The following ASXL3 variants were observed in gnomAD, a reference collection of about 807,000 sequenced individuals.
ASXL3 encodes putative Polycomb group protein ASXL3.
Under a neutral mutation model 170.6 loss-of-function variants are expected in ASXL3, and 34 were observed. The ratio of observed to expected loss-of-function variants is 0.20; its 90% confidence interval spans 0.15 to 0.27. The LOEUF (loss-of-function observed/expected upper bound fraction) is 0.27. ASXL3 is among the 10% of genes least tolerant of loss of function. The pLI, the probability that ASXL3 is intolerant of heterozygous loss-of-function variation, is 1.00. For missense variants in ASXL3, 2,592 were observed against 2,695.3 expected (o/e 0.96, Z 0.85); for synonymous variants, 1,002 against 989.1 (o/e 1.01, Z -0.24).
intron 1 of ASXL3, among the ~76,000 whole-genome samples, chr18:33,585,894 A>G (rs2065030479): frequency 6.6e-6 from 1 of 152,158 alleles, no homozygotes; most frequent in Non-Finnish European, 1.5e-5. Context: ...TCCAGAGAAA[A>G]CTAGATTATG....
At chr18:33,639,883 G>T (rs1341260449) in intron 2 of ASXL3, among the ~76,000 whole-genome samples, 2 of 152,124 alleles carry the variant, frequency 1.3e-5, no homozygotes, top group African/African-American at 2.4e-5. Flanking sequence ...AAGAATTAAA[G>T]TGTACAACAT....
chr18:33,652,964 C>T (rs1471679234), intron 4 of ASXL3, among the ~76,000 whole-genome samples: 2 of 151,932 alleles, frequency 1.3e-5, no homozygotes, highest in African/African-American at 4.8e-5. Flanking sequence ...GGTCTGGACA[C>T]CCTGGGGAGT....
chr18:33,609,637 A>C (rs2065303786), intron 2 of ASXL3, among the ~76,000 whole-genome samples: 1 of 152,010 alleles, frequency 6.6e-6, no homozygotes, highest in African/African-American at 2.4e-5. Context: ...CTGAAATGGG[A>C]AACATAACTC....
Position 33,584,181 on chromosome 18 carries a change from G to A in ASXL3, c.54+5496G>A, listed in dbSNP as rs143311490. ...AGAGAGCCTTCTAAGAAGAGAGAAC[G>A]ACATGGACAGAGGTGAGGTGCAGGC... On this transcript the variant is annotated intron_variant, in intron 1 of 11. Transcript: ENST00000269197. 1.1e-4 allele frequency among the ~76,000 whole-genome samples: 17 copies of A among 152,252 alleles called. No homozygotes were observed. In the East Asian group the frequency reaches 3.1e-3, roughly 28 times the overall value.
chr18:33,695,805 G>T (rs2066765735), intron 8 of ASXL3, among the ~76,000 whole-genome samples: 1 of 152,046 alleles, frequency 6.6e-6, no homozygotes, highest in African/African-American at 2.4e-5. Context: ...GGGTGTCTTT[G>T]TCCATGTATA....
intron 2 of ASXL3, among the ~76,000 whole-genome samples, chr18:33,610,503 G>A (rs984700166): frequency 6.6e-6 from 1 of 151,938 alleles, no homozygotes; most frequent in Non-Finnish European, 1.5e-5. Context: ...TGTACTCAAA[G>A]CAAGGCCATT....
intron 8 of ASXL3, among the ~76,000 whole-genome samples, chr18:33,724,520 T>A (rs1438153476): frequency 6.6e-6 from 1 of 152,134 alleles, no homozygotes; most frequent in Non-Finnish European, 1.5e-5. Context: ...AGTGATACTT[T>A]TACAACTCTT....
rs530981085 is a variant in ASXL3 at position 33,663,387 on chromosome 18, A to G, written c.477+1650A>G. On this transcript the variant is annotated intron_variant, in intron 5 of 11. Coordinates refer to ENST00000269197, the MANE Select transcript of ASXL3 (RefSeq NM_030632.3). ...ATATGAATGGAAATATAAAGGTACA[A>G]CTCTCTGTATTGTTCTATATCATTA... 2.0e-5 allele frequency among the ~76,000 whole-genome samples: 3 copies of G among 151,436 alleles called. No homozygotes were observed. The East Asian group carries it at 5.8e-4, about 29-fold the overall frequency.
At chr18:33,578,746 C>A in intron 1 of ASXL3, 61 bp downstream of exon 1, 1 of 1,061,550 alleles carries the variant, frequency 9.4e-7, no homozygotes, top group Non-Finnish European at 1.2e-6. Flanking sequence ...TCGCCCCGCG[C>A]CGGTCCGCGG....
chr18:33,679,158 A>G (rs2145274833), intron 7 of ASXL3, among the ~76,000 whole-genome samples: 1 of 152,314 alleles, frequency 6.6e-6, no homozygotes, highest in Admixed American at 6.5e-5. Context: ...CAACTCTGTT[A>G]CATGAGAATA....
intron 8 of ASXL3, among the ~76,000 whole-genome samples, chr18:33,689,714 A>G (rs548900377): frequency 1.6e-4 from 25 of 152,318 alleles, no homozygotes; most frequent in African/African-American, 6.0e-4. Flanking sequence ...TGTTAACTTG[A>G]TCATTGTATT....
intron 8 of ASXL3, among the ~76,000 whole-genome samples, chr18:33,690,565 G>T (rs911690672): frequency 2.0e-5 from 3 of 152,058 alleles, no homozygotes; most frequent in African/African-American, 7.3e-5. Flanking sequence ...GCTCTATCTT[G>T]TAAGCCATGA....
At chr18:33,605,096 C>G (rs1469755507) in intron 1 of ASXL3, among the ~76,000 whole-genome samples, 1 of 151,980 alleles carries the variant, frequency 6.6e-6, no homozygotes, top group African/African-American at 2.4e-5. Context: ...AGATCTCCCA[C>G]CAAAACATCC....
At chr18:33,633,870 A>G (rs2065724616) in intron 2 of ASXL3, among the ~76,000 whole-genome samples, 1 of 151,026 alleles carries the variant, frequency 6.6e-6, no homozygotes, top group Admixed American at 6.7e-5. Flanking sequence ...AAAAAATTCA[A>G]GTAACAATTA....
At chr18:33,618,433 A>G (rs779588226) in intron 2 of ASXL3, among the ~76,000 whole-genome samples, 22 of 152,090 alleles carry the variant, frequency 1.4e-4, no homozygotes, top group Non-Finnish European at 2.2e-4. Flanking sequence ...TTAGTTGTCA[A>G]ATTAGAGGAA....
At chr18:33,623,061 A>T (rs910033533) in intron 2 of ASXL3, among the ~76,000 whole-genome samples, 1 of 152,266 alleles carries the variant, frequency 6.6e-6, no homozygotes, top group South Asian at 2.1e-4. Context: ...GGTCTCTCTG[A>T]CAATGCTGAG....
At chr18:33,687,378 G>C (rs1310930678) in intron 8 of ASXL3, among the ~76,000 whole-genome samples, 3 of 152,164 alleles carry the variant, frequency 2.0e-5, no homozygotes, top group African/African-American at 7.2e-5. Flanking sequence ...ATGTGAATTT[G>C]ATTACATAGA....
intron 8 of ASXL3, among the ~76,000 whole-genome samples, chr18:33,685,515 A>G (rs1382494132): frequency 6.6e-6 from 1 of 152,200 alleles, no homozygotes; most frequent in Non-Finnish European, 1.5e-5. Flanking sequence ...GGTGTAGTTT[A>G]TCTTGTTTAC....
intron 2 of ASXL3, among the ~76,000 whole-genome samples, chr18:33,627,811 C>T (rs113501663): frequency 6.6e-6 from 1 of 152,082 alleles, no homozygotes; most frequent in Admixed American, 6.6e-5. Context: ...TAGAGTTTCT[C>T]CAATTTTGAA....
Sources: allele counts gnomAD v4.1 joint callset (sites outside exome capture counted in the v4.1 genomes callset), GRCh38; gene constraint gnomAD v4.1.1; transcripts MANE v1.5; gene names NCBI Gene and HGNC (gene_info 2026-07-23, HGNC 2026-07-21).